Variants in TSPAN9 observed in about 807,000 individuals in gnomAD.
TSPAN9 encodes tetraspanin 9.
Under a neutral mutation model 31.0 loss-of-function variants are expected in TSPAN9, and 16 were observed. The ratio of observed to expected loss-of-function variants is 0.52; its 90% CI spans 0.35 to 0.78. The LOEUF is 0.78. Among genes scored for constraint, TSPAN9 ranks in the 30% least tolerant of loss-of-function variants. TSPAN9 has a pLI of 0.01. For missense variants in TSPAN9, 272 were observed against 312.5 expected, an observed-to-expected ratio of 0.87 and a Z score of 0.98; for synonymous variants, 145 against 121.6, an observed-to-expected ratio of 1.19 and a Z score of -1.27.
chr12:3,099,393 G>A (rs770071330), intron 2 of TSPAN9, among the ~76,000 whole-genome samples: 90 of 152,020 alleles, frequency 5.9e-4, no homozygotes, highest in Non-Finnish European at 1.0e-3. Context: ...TTGTATCTTT[G>A]TCTCATCATG....
At chr12:3,128,832 T>C (rs918261382) in intron 2 of TSPAN9, among the ~76,000 whole-genome samples, 2 of 152,238 alleles carry the variant, frequency 1.3e-5, no homozygotes, top group African/African-American at 4.8e-5. Flanking sequence ...TAAGTACATA[T>C]ACATTATTGT....
At chr12:3,265,791 C>T (rs1338536105) in intron 3 of TSPAN9, among the ~76,000 whole-genome samples, 3 of 152,192 alleles carry the variant, frequency 2.0e-5, no homozygotes, top group African/African-American at 7.2e-5. Flanking sequence ...TTTCTCAGGT[C>T]TGTAGGAGGC....
intron 2 of TSPAN9, among the ~76,000 whole-genome samples, chr12:3,164,617 C>T (rs1051931962): frequency 3.9e-5 from 6 of 152,296 alleles, no homozygotes; most frequent in African/African-American, 1.2e-4. Context: ...AGGCATCTTG[C>T]GGTGACTCCT....
At chr12:3,267,524 A>G (rs914265726) in intron 3 of TSPAN9, among the ~76,000 whole-genome samples, 10 of 152,180 alleles carry the variant, frequency 6.6e-5, no homozygotes, top group African/African-American at 2.4e-4. Context: ...TGCCAGTTAC[A>G]TTGCCATCCT....
intron 2 of TSPAN9, among the ~76,000 whole-genome samples, chr12:3,109,747 G>A (rs557849163): frequency 8.3e-5 from 12 of 144,366 alleles, no homozygotes; most frequent in East Asian, 4.0e-4. Context: ...GCAGTCAGCC[G>A]AGATCGCACC....
intron 2 of TSPAN9, among the ~76,000 whole-genome samples, chr12:3,097,625 G>A (rs2153964088): frequency 6.6e-6 from 1 of 152,264 alleles, no homozygotes; most frequent in South Asian, 2.1e-4. Flanking sequence ...CTGGAGGAGG[G>A]GTGGCAAGTA....
At chr12:3,110,616 C>A (rs2093348457) in intron 2 of TSPAN9, among the ~76,000 whole-genome samples, 1 of 152,112 alleles carries the variant, frequency 6.6e-6, no homozygotes, top group Non-Finnish European at 1.5e-5. Flanking sequence ...ATCCTTTGTG[C>A]CTAGAGCTGT....
Position 3,279,023 on chromosome 12 carries a change from C to T in TSPAN9, c.287C>T (p.Ala96Val). ...ATCGTCCTGTTGGTCATCCTCCTAG[C>T]AGAGCTGATCTTACTCATCCTCTTC... is the stretch of plus-strand genomic sequence containing the variant. ...FFIVLLVILL[A>V]ELILLILFFV... is the part of the protein sequence containing the mutation. Residue 96 changes from alanine to valine, a missense_variant, in exon 5 of 9, where the codon GCA (alanine) becomes GTA (valine). Transcript: ENST00000011898. 1 of 1,614,186 alleles carries T rather than the reference C, an allele frequency of 6.2e-7. No individual in the cohort carries two copies. Among genetic ancestry groups the T allele is most frequent in the Non-Finnish European group, 8.5e-7 (1 of 1,180,028 alleles).
At chr12:3,209,686 G>A (rs1219413575) in intron 3 of TSPAN9, among the ~76,000 whole-genome samples, 4 of 146,620 alleles carry the variant, frequency 2.7e-5, no homozygotes, top group African/African-American at 1.0e-4. Context: ...TGGGCCGGGC[G>A]CGGTGGCTCA....
At chr12:3,281,428 G>C (rs1862892543) in intron 7 of TSPAN9, 99 bp downstream of exon 7, 5 of 1,440,844 alleles carry the variant, frequency 3.5e-6, no homozygotes, top group Non-Finnish European at 4.5e-6. Context: ...ACACTAAGAG[G>C]TTGGCTGAAT....
intron 2 of TSPAN9, among the ~76,000 whole-genome samples, chr12:3,174,770 G>A (rs2098354212): frequency 8.2e-6 from 1 of 122,634 alleles, no homozygotes; most frequent in African/African-American, 2.5e-5. Context: ...TTTTAGTAGA[G>A]ACGGGGTTTC....
At chr12:3,237,755 C>T (rs148053157) in intron 3 of TSPAN9, among the ~76,000 whole-genome samples, 1 of 152,136 alleles carries the variant, frequency 6.6e-6, no homozygotes. Context: ...GGTCAGCTTG[C>T]CCCCTTCCCT....
chr12:3,138,461 GTTTC>G (rs1458808125), intron 2 of TSPAN9, among the ~76,000 whole-genome samples: 7 of 135,918 alleles, frequency 5.2e-5, no homozygotes, highest in African/African-American at 1.7e-4. Flanking sequence ...CTCTCCTCCC[GTTTC>G]TTTTTTTCTT....
At chr12:3,238,526 A>G (rs10774133) in intron 3 of TSPAN9, among the ~76,000 whole-genome samples, 151,711 of 152,332 alleles carry the variant, frequency 1, 75,550 homozygotes, top group East Asian at 1. Context: ...CAAACCCTAC[A>G]TGGTCCTGTT....
At chr12:3,108,803 A>C (rs75841145) in intron 2 of TSPAN9, among the ~76,000 whole-genome samples, 3,590 of 152,022 alleles carry the variant, frequency 0.024, 141 homozygotes, top group African/African-American at 0.081. Flanking sequence ...TTTAGTTAGC[A>C]GATTTTTAAT....
intron 3 of TSPAN9, among the ~76,000 whole-genome samples, chr12:3,267,089 T>G (rs959851295): frequency 3.3e-5 from 5 of 152,192 alleles, no homozygotes; most frequent in African/African-American, 1.2e-4. Flanking sequence ...TCATGAAGTC[T>G]TCACTGTGTG....
chr12:3,219,136 G>A (rs1419280274), intron 3 of TSPAN9, among the ~76,000 whole-genome samples: 1 of 152,262 alleles, frequency 6.6e-6, no homozygotes, highest in Non-Finnish European at 1.5e-5. Flanking sequence ...TGTAGTGGCT[G>A]TGATGGGGGC....
intron 3 of TSPAN9, among the ~76,000 whole-genome samples, chr12:3,205,395 G>A (rs1259460895): frequency 1.3e-5 from 2 of 152,234 alleles, no homozygotes; most frequent in African/African-American, 4.8e-5. Flanking sequence ...ACTCCCTTAA[G>A]TGAGGTCAGG....
intron 2 of TSPAN9, among the ~76,000 whole-genome samples, chr12:3,118,256 G>GT (rs72307230): frequency 0.02 from 628 of 31,538 alleles, 180 homozygotes; most frequent in Middle Eastern, 0.091. Flanking sequence ...TGCACCCGCC[G>GT]TTTTTTTTTT....
Sources: allele counts gnomAD v4.1 joint callset (sites outside exome capture counted in the v4.1 genomes callset), GRCh38; gene constraint gnomAD v4.1.1; transcripts MANE v1.5; gene names NCBI Gene and HGNC (gene_info 2026-07-23, HGNC 2026-07-21).